The following DNAH5 variants were observed in gnomAD, a reference collection of about 807,000 sequenced individuals.
DNAH5 encodes the protein dynein axonemal heavy chain 5.
DNAH5 carries 372 observed loss-of-function variants against 518.2 expected under a neutral mutation model. The observed-to-expected ratio is 0.72, with a 90% CI of 0.66 to 0.78. The LOEUF (loss-of-function observed/expected upper bound fraction) is 0.78, where lower values mean the gene tolerates loss of function less well. Among genes scored for constraint, DNAH5 ranks in the 30% least tolerant of loss-of-function variants. The pLI, the probability that DNAH5 is intolerant of heterozygous loss-of-function variation, is 0.00. For missense variants in DNAH5, 5,523 were observed against 5,687.0 expected (o/e 0.97, Z 0.93); for synonymous variants, 2,039 against 2,025.9 (o/e 1.01, Z -0.17).
chr5:13,900,567 A>G lies in DNAH5; in HGVS notation c.2053-155T>C. 4 of 681,520 alleles carry G rather than the reference A, an allele frequency of 5.9e-6. No individual in the cohort carries two copies. In the East Asian group the frequency reaches 1.1e-4, roughly 18 times the overall value. The allele number at this position is 681,520 out of a possible 1,614,324, so 42.2% of individuals were successfully genotyped here. On this transcript the variant is annotated intron_variant, in intron 14 of 78. Coordinates refer to ENST00000265104, the MANE Select transcript of DNAH5 (RefSeq NM_001369.3). Reference sequence around the variant, plus strand: ...ATAAGATCACTCACTCTTCTCCTAAATCCAGTCTCATACAATAGCCTTCAA... The same window carrying G: ...ATAAGATCACTCACTCTTCTCCTAAGTCCAGTCTCATACAATAGCCTTCAA...
At chr5:13,854,801 C>T (rs795513) in intron 30 of DNAH5, among the ~76,000 whole-genome samples, 66,571 of 151,776 alleles carry the variant, frequency 0.44, 14,783 homozygotes, top group South Asian at 0.5. Flanking sequence ...AAGGGATCAA[C>T]GCAATGAGAA....
intron 31 of DNAH5, among the ~76,000 whole-genome samples, chr5:13,849,229 T>C (rs1204046346): frequency 6.6e-6 from 1 of 151,150 alleles, no homozygotes; most frequent in East Asian, 1.9e-4. Context: ...CCCTGTCCTC[T>C]GCATTCTTGT....
chr5:13,954,103 A>G (rs1780609481), intron 1 of DNAH5, among the ~76,000 whole-genome samples: 1 of 152,234 alleles, frequency 6.6e-6, no homozygotes, highest in Admixed American at 6.5e-5. Flanking sequence ...AAGTAAGTCC[A>G]TATTTTAGGT....
intron 47 of DNAH5, among the ~76,000 whole-genome samples, chr5:13,800,317 T>C (rs1216813806): frequency 1.3e-5 from 2 of 152,196 alleles, no homozygotes; most frequent in Non-Finnish European, 2.9e-5. Flanking sequence ...AACTGTATAC[T>C]TGGACATCTG....
intron 1 of DNAH5, among the ~76,000 whole-genome samples, chr5:13,953,210 C>G (rs1007395545): frequency 1.3e-5 from 2 of 152,160 alleles, no homozygotes; most frequent in African/African-American, 4.8e-5. Flanking sequence ...ACACTTCTCA[C>G]TAAAACCAAC....
At chr5:13,867,588 A>G (rs936300371) in intron 25 of DNAH5, among the ~76,000 whole-genome samples, 186 bp downstream of exon 25, 12 of 151,458 alleles carry the variant, frequency 7.9e-5, no homozygotes, top group Non-Finnish European at 1.5e-4. Flanking sequence ...AAAACAGACT[A>G]ATAGAAACTC....
intron 31 of DNAH5, among the ~76,000 whole-genome samples, chr5:13,849,680 T>C (rs940450168): frequency 6.6e-6 from 1 of 152,206 alleles, no homozygotes; most frequent in African/African-American, 2.4e-5. Context: ...ACCTTAACTT[T>C]CTCATGCATT....
Position 13,793,921 on chromosome 5 carries a change from A to G in DNAH5, c.8010+15T>C, listed in dbSNP as rs201977028. 21 of 1,613,972 alleles carry G rather than the reference A, an allele frequency of 1.3e-5. No individual in the cohort carries two copies. In the East Asian group the frequency reaches 4.7e-4, roughly 36 times the overall value. ...CCAAATTAAAGAAATAAAATGCACA[A>G]TAGAATGATGATACCTGATCTCCCC... On this transcript the variant is annotated intron_variant, in intron 48 of 78. Coordinates refer to ENST00000265104, the MANE Select transcript of DNAH5 (RefSeq NM_001369.3).
chr5:13,974,725 G>A (rs1320432573), intron 1 of DNAH5, among the ~76,000 whole-genome samples: 1 of 152,120 alleles, frequency 6.6e-6, no homozygotes, highest in Non-Finnish European at 1.5e-5. Flanking sequence ...AAGTCCTAAA[G>A]AGACTACAAT....
At chr5:13,926,459 G>A (rs528653997) in intron 3 of DNAH5, among the ~76,000 whole-genome samples, 6 of 152,294 alleles carry the variant, frequency 3.9e-5, no homozygotes, top group South Asian at 2.1e-4. Flanking sequence ...GGTAGAAGAC[G>A]AAGGTAGGGA....
intron 15 of DNAH5, chr5:13,897,970 A>G (rs540318414): frequency 6.6e-6 from 1 of 152,358 alleles, no homozygotes; most frequent in East Asian, 1.9e-4. Context: ...CTGAGCTGCC[A>G]TATAAGAAAT....
chr5:13,698,765 T>C lies in DNAH5; in HGVS notation c.13723+1875A>G, dbSNP rs559924767. The stretch of plus-strand genomic sequence containing the variant: ...ACAAACAGGACACTTAGTTGTAATA[T>C]GAAAGCTGGAACAAGAAGGCACAGC... On this transcript the variant is annotated intron_variant, in intron 78 of 78. Coordinates refer to ENST00000265104, the MANE Select transcript of DNAH5 (RefSeq NM_001369.3). Among the ~76,000 whole-genome samples, 5 of 152,314 alleles carry C rather than the reference T, an allele frequency of 3.3e-5. No individual in the cohort carries two copies. The East Asian group carries it at 9.6e-4, about 29-fold the overall frequency.
chr5:14,002,645 AC>A (rs1784442823), intron 1 of DNAH5, among the ~76,000 whole-genome samples: 2 of 12,992 alleles, frequency 1.5e-4, no homozygotes, highest in African/African-American at 3.8e-4. Context: ...AGATACATAC[AC>A]ACACAGTAGC....
chr5:14,007,377 A>G (rs545319869), intron 1 of DNAH5, among the ~76,000 whole-genome samples: 7 of 152,290 alleles, frequency 4.6e-5, no homozygotes, highest in African/African-American at 1.7e-4. Context: ...AGCAGTCCAG[A>G]AAAGTCACAC....
At chr5:13,905,966 C>A (rs935570900) in intron 12 of DNAH5, among the ~76,000 whole-genome samples, 1 of 152,004 alleles carries the variant, frequency 6.6e-6, no homozygotes, top group Non-Finnish European at 1.5e-5. Flanking sequence ...AGCTATCAAG[C>A]CATGAAAAGG....
intron 65 of DNAH5, among the ~76,000 whole-genome samples, chr5:13,738,625 C>G (rs7710301): frequency 6.6e-6 from 1 of 151,714 alleles, no homozygotes; most frequent in African/African-American, 2.4e-5. Context: ...GAGGGAGAGA[C>G]AGAGGAAGAG....
chr5:13,979,925 C>T (rs113899666), intron 1 of DNAH5, among the ~76,000 whole-genome samples: 2,458 of 151,426 alleles, frequency 0.016, 78 homozygotes, highest in African/African-American at 0.057. Flanking sequence ...CTGCAACCTC[C>T]GCCTCCTTGG....
chr5:13,759,814 A>G (rs1751528791), intron 60 of DNAH5, among the ~76,000 whole-genome samples: 1 of 152,196 alleles, frequency 6.6e-6, no homozygotes, highest in Non-Finnish European at 1.5e-5. Context: ...AAGTGTTAAT[A>G]TTGACTTTCA....
chr5:13,730,229 G>GT (rs1203976017), intron 68 of DNAH5, among the ~76,000 whole-genome samples: 1 of 152,124 alleles, frequency 6.6e-6, no homozygotes, highest in African/African-American at 2.4e-5. Flanking sequence ...TGTAACCCAC[G>GT]TAACTCTGAC....
Sources: allele counts gnomAD v4.1 joint callset (sites outside exome capture counted in the v4.1 genomes callset), GRCh38; gene constraint gnomAD v4.1.1; transcripts MANE v1.5; gene names NCBI Gene and HGNC (gene_info 2026-07-23, HGNC 2026-07-21).